DSCAML1: variants seen among roughly 807,000 people sequenced by gnomAD.
The protein encoded by DSCAML1 is DS cell adhesion molecule like 1.
In DSCAML1, 38 loss-of-function variants were observed where a neutral mutation model predicts 200.5. The ratio of observed to expected loss-of-function variants is 0.19; its 90% CI spans 0.15 to 0.25. The LOEUF (loss-of-function observed/expected upper bound fraction) is 0.25. DSCAML1 is among the 10% of genes least tolerant of loss of function. The pLI, the probability that DSCAML1 is intolerant of heterozygous loss-of-function variation, is 1.00. For missense variants in DSCAML1, 2,223 were observed against 2,858.8 expected, an observed-to-expected ratio of 0.78 and a Z score of 5.07; for synonymous variants, 1,215 against 1,165.0, an observed-to-expected ratio of 1.04 and a Z score of -0.87.
At chr11:117,707,347 A>G (rs770718770) in intron 3 of DSCAML1, among the ~76,000 whole-genome samples, 19 of 152,168 alleles carry the variant, frequency 1.2e-4, no homozygotes, top group Non-Finnish European at 1.9e-4. Flanking sequence ...ATAAGGAAAA[A>G]AGGACAGAGT....
At chr11:117,747,240 A>G (rs959294190) in intron 3 of DSCAML1, among the ~76,000 whole-genome samples, 1 of 152,240 alleles carries the variant, frequency 6.6e-6, no homozygotes, top group Non-Finnish European at 1.5e-5. Context: ...TGTTCTCTCC[A>G]TAACAAATCA....
chr11:117,496,273 T>C (rs2049287260), intron 11 of DSCAML1, among the ~76,000 whole-genome samples: 1 of 152,166 alleles, frequency 6.6e-6, no homozygotes, highest in South Asian at 2.1e-4. Context: ...CTTGCCTTTC[T>C]CTCTGTTAGT....
At position 117,642,182 on chromosome 11, in the gene DSCAML1, G is replaced by A. The variant is rs977259497; in HGVS notation, c.512-109660C>T. ...GGATCATAAAGCCTAAAGAGCAGACGGCATGACTTAGGCTCCTGCGGTATC... is the reference window on the plus strand; with the variant it reads ...GGATCATAAAGCCTAAAGAGCAGACAGCATGACTTAGGCTCCTGCGGTATC... On this transcript the variant is annotated intron_variant, in intron 3 of 32. Transcript: ENST00000651296. This position sits in a 1 kb window ranked among gnomAD's most constrained non-coding sequence, Gnocchi z 4.1. Among the ~76,000 whole-genome samples the A allele has an allele frequency of 6.6e-6, 1 of 152,126 alleles. No homozygotes were observed. The highest frequency in any genetic ancestry group is 1.5e-5 in the Non-Finnish European group (1 of 68,016).
At chr11:117,728,541 C>T (rs1467313864) in intron 3 of DSCAML1, among the ~76,000 whole-genome samples, 1 of 13,174 alleles carries the variant, frequency 7.6e-5, no homozygotes, top group Non-Finnish European at 2.7e-3. Context: ...TATAAAAAAC[C>T]CTTAGGAATT....
intron 3 of DSCAML1, among the ~76,000 whole-genome samples, chr11:117,538,433 G>A (rs1565774591): frequency 6.6e-6 from 1 of 152,176 alleles, no homozygotes; most frequent in Non-Finnish European, 1.5e-5. Flanking sequence ...TGAGGTTGGG[G>A]CTGCCGGGCC....
chr11:117,457,736 C>T (rs1371538741), intron 19 of DSCAML1, among the ~76,000 whole-genome samples: 3 of 152,154 alleles, frequency 2.0e-5, no homozygotes, highest in Non-Finnish European at 4.4e-5. Context: ...GGCAGCTTCT[C>T]CCCCACCACT....
chr11:117,809,692 A>G (rs67877251), intron 1 of DSCAML1, among the ~76,000 whole-genome samples: 8,169 of 152,262 alleles, frequency 0.054, 386 homozygotes, highest in African/African-American at 0.12. Context: ...GGTGTCCTCC[A>G]AAACAGACCT....
At chr11:117,766,819 G>C (rs924767466) in intron 3 of DSCAML1, among the ~76,000 whole-genome samples, 1 of 152,148 alleles carries the variant, frequency 6.6e-6, no homozygotes, top group Admixed American at 6.5e-5. Flanking sequence ...TGAGGAGTGT[G>C]GCTGATGGTT....
chr11:117,464,632 G>T (rs980576189), intron 17 of DSCAML1, among the ~76,000 whole-genome samples: 1 of 152,146 alleles, frequency 6.6e-6, no homozygotes, highest in Non-Finnish European at 1.5e-5. Context: ...AAGGAGGAAG[G>T]CCAAGGGAGA....
intron 16 of DSCAML1, among the ~76,000 whole-genome samples, chr11:117,466,519 G>C (rs2048582587): frequency 6.6e-6 from 1 of 152,146 alleles, no homozygotes; most frequent in South Asian, 2.1e-4. Flanking sequence ...GGCCAACATG[G>C]TGAAACCCCA....
At chr11:117,724,773 T>A (rs1298170418) in intron 3 of DSCAML1, among the ~76,000 whole-genome samples, 1 of 152,190 alleles carries the variant, frequency 6.6e-6, no homozygotes, top group Non-Finnish European at 1.5e-5. Flanking sequence ...CCTCTGAGAA[T>A]CATTGCCCTT....
chr11:117,688,434 G>C (rs528018724), intron 3 of DSCAML1, among the ~76,000 whole-genome samples: 5 of 152,324 alleles, frequency 3.3e-5, no homozygotes, highest in Non-Finnish European at 7.4e-5. Context: ...AAGGATAGGG[G>C]AGAGAAGCAG....
chr11:117,457,441 G>A (rs2048393863), intron 19 of DSCAML1, among the ~76,000 whole-genome samples: 1 of 152,212 alleles, frequency 6.6e-6, no homozygotes, highest in Non-Finnish European at 1.5e-5. Flanking sequence ...ATTTCTGGAG[G>A]CCAAAAGGTG....
At chr11:117,464,356 A>G (rs1455623291) in intron 17 of DSCAML1, among the ~76,000 whole-genome samples, 1 of 152,082 alleles carries the variant, frequency 6.6e-6, no homozygotes, top group African/African-American at 2.4e-5. Context: ...CTGTGCTTGG[A>G]GTGCAGGCAT....
chr11:117,538,802 TAGAC>T (rs1565774841), intron 3 of DSCAML1, among the ~76,000 whole-genome samples: 2 of 71,496 alleles, frequency 2.8e-5, no homozygotes, highest in South Asian at 3.7e-4. Context: ...GAGAAGGTGA[TAGAC>T]AGGGGAGGAG....
intron 8 of DSCAML1, among the ~76,000 whole-genome samples, chr11:117,507,226 T>A (rs1279811811): frequency 6.6e-6 from 1 of 152,092 alleles, no homozygotes; most frequent in Non-Finnish European, 1.5e-5. Flanking sequence ...ATCTCCTTTC[T>A]GCAGTCGAAT....
In DSCAML1 at chr11:117,642,404, C is replaced by T. The variant is rs1358815560; in HGVS notation, c.512-109882G>A. ...TAGGTGGGTCTGTGTATAAGTCTGA[C>T]ACCCACAGGTCACAGTCTGGAGGCA... On this transcript the variant is annotated intron_variant, in intron 3 of 32. Coordinates refer to ENST00000651296, the MANE Select transcript of DSCAML1 (RefSeq NM_020693.4). This position sits in a 1 kb window ranked among gnomAD's most constrained non-coding sequence, Gnocchi z 4.1. Among the ~76,000 whole-genome samples the T allele has an allele frequency of 6.6e-6, 1 of 152,158 alleles. No homozygotes were observed. Among genetic ancestry groups the T allele is most frequent in the Admixed American group, 6.5e-5 (1 of 15,282 alleles).
intron 11 of DSCAML1, among the ~76,000 whole-genome samples, chr11:117,496,187 G>T (rs1653260213): frequency 6.6e-6 from 1 of 152,158 alleles, no homozygotes; most frequent in Non-Finnish European, 1.5e-5. Flanking sequence ...ACGTGATCTT[G>T]TCTTGTTTCC....
chr11:117,713,277 A>G (rs7951090), intron 3 of DSCAML1, among the ~76,000 whole-genome samples: 149,239 of 152,288 alleles, frequency 0.98, 73,201 homozygotes, highest in Middle Eastern at 1. Flanking sequence ...CACCACACCC[A>G]GCTAATTTTT....
Sources: allele counts gnomAD v4.1 joint callset (sites outside exome capture counted in the v4.1 genomes callset), GRCh38; gene constraint gnomAD v4.1.1; non-coding constraint Gnocchi (gnomAD v3.1); transcripts MANE v1.5; gene names NCBI Gene and HGNC (gene_info 2026-07-23, HGNC 2026-07-21).